The following CSMD1 variants were observed in gnomAD, a reference collection of about 807,000 sequenced individuals.
The protein encoded by CSMD1 is CUB and sushi domain-containing protein 1.
Under a neutral mutation model 417.5 loss-of-function variants are expected in CSMD1, and 213 were observed. The ratio of observed to expected loss-of-function variants is 0.51; its 90% CI spans 0.46 to 0.57. The LOEUF is 0.57. Ranked by LOEUF, CSMD1 falls within the 20% of genes least tolerant of loss-of-function variation. CSMD1 has a pLI of 0.00. For missense variants in CSMD1, 6,923 were observed against 4,529.7 expected (o/e 1.53, Z -15.17); for synonymous variants, 2,862 against 1,736.8 (o/e 1.65, Z -16.11).
intron 5 of CSMD1, among the ~76,000 whole-genome samples, chr8:3,777,716 G>C (rs76092726): frequency 0.32 from 46,152 of 145,008 alleles, 7,844 homozygotes; most frequent in Admixed American, 0.36. Context: ...TTCAGATGCA[G>C]AGTCTCAGGC....
intron 5 of CSMD1, among the ~76,000 whole-genome samples, chr8:3,906,774 T>C (rs1171344013): frequency 6.6e-6 from 1 of 152,182 alleles, no homozygotes; most frequent in Non-Finnish European, 1.5e-5. Flanking sequence ...GAAAAATGAC[T>C]TTTATATTGA....
At chr8:4,388,510 C>T (rs1458480439) in intron 3 of CSMD1, among the ~76,000 whole-genome samples, 1 of 147,344 alleles carries the variant, frequency 6.8e-6, no homozygotes, top group African/African-American at 2.5e-5. Context: ...TGTGAGCATA[C>T]AAAGGGCATA....
chr8:4,022,030 G>C (rs529211893), intron 4 of CSMD1, among the ~76,000 whole-genome samples: 1 of 151,334 alleles, frequency 6.6e-6, no homozygotes, highest in Non-Finnish European at 1.5e-5. Context: ...GAAAGTCCAG[G>C]TGCCTATATT....
At chr8:4,974,311 A>C (rs1021169202) in intron 1 of CSMD1, among the ~76,000 whole-genome samples, 10 of 152,014 alleles carry the variant, frequency 6.6e-5, no homozygotes, top group African/African-American at 2.4e-4. Flanking sequence ...CAGGCGCAAG[A>C]TTTTATTTTT....
chr8:4,502,566 C>G (rs1802312901), intron 2 of CSMD1, among the ~76,000 whole-genome samples: 1 of 152,102 alleles, frequency 6.6e-6, no homozygotes, highest in Non-Finnish European at 1.5e-5. Context: ...TTATTTCAGA[C>G]AAAAAACTTG....
At position 4,584,344 on chromosome 8, in the gene CSMD1, C is replaced by T. The variant is rs185648091; in HGVS notation, c.302+52998G>A. 6.6e-4 allele frequency among the ~76,000 whole-genome samples: 100 copies of T among 152,152 alleles called. 2 individuals carry two copies. The highest frequency in any genetic ancestry group is 2.2e-3 in the African/African-American group (91 of 41,524). ...GCCGAGTAGTGAGACAATCGCCAAT[C>T]GCCAAGCAGTGAGTAGCATCAGACC... On this transcript the variant is annotated intron_variant, in intron 2 of 69. Coordinates refer to ENST00000635120, the MANE Select transcript of CSMD1 (RefSeq NM_033225.6).
chr8:4,841,412 CT>C (rs1162231844), intron 1 of CSMD1, among the ~76,000 whole-genome samples: 1 of 152,060 alleles, frequency 6.6e-6, no homozygotes, highest in Non-Finnish European at 1.5e-5. Flanking sequence ...CCTTTTTATT[CT>C]AAAAATATAA....
intron 3 of CSMD1, among the ~76,000 whole-genome samples, chr8:4,132,627 T>A (rs1427682905): frequency 6.6e-6 from 1 of 152,162 alleles, no homozygotes; most frequent in Non-Finnish European, 1.5e-5. Context: ...TTGGCATTCA[T>A]TCTAAGCCAA....
chr8:3,910,098 G>A (rs1423105250), intron 5 of CSMD1, among the ~76,000 whole-genome samples: 1 of 152,176 alleles, frequency 6.6e-6, no homozygotes, highest in Non-Finnish European at 1.5e-5. Flanking sequence ...GGGGAAAGGA[G>A]AACGGAACAT....
At chr8:4,595,273 A>C (rs1191753451) in intron 2 of CSMD1, among the ~76,000 whole-genome samples, 1 of 148,160 alleles carries the variant, frequency 6.7e-6, no homozygotes, top group East Asian at 1.9e-4. Flanking sequence ...GGAAGGTATA[A>C]TATGATAAAT....
intron 4 of CSMD1, among the ~76,000 whole-genome samples, chr8:4,031,576 T>A (rs1797348338): frequency 6.6e-6 from 1 of 152,174 alleles, no homozygotes; most frequent in Admixed American, 6.6e-5. Flanking sequence ...AGGACAGAGC[T>A]AAATCATATC....
intron 5 of CSMD1, among the ~76,000 whole-genome samples, chr8:3,945,307 G>C (rs543377886): frequency 6.8e-4 from 103 of 151,556 alleles, no homozygotes; most frequent in African/African-American, 2.1e-3. Flanking sequence ...AGTTTAATAA[G>C]AAATTAACTT....
intron 2 of CSMD1, among the ~76,000 whole-genome samples, chr8:4,482,870 G>A (rs375172363): frequency 5.3e-5 from 8 of 152,136 alleles, no homozygotes; most frequent in African/African-American, 1.9e-4. Context: ...TTTTTTTAAG[G>A]AACTTCATAA....
intron 4 of CSMD1, among the ~76,000 whole-genome samples, chr8:4,024,077 G>C (rs1473563430): frequency 6.6e-6 from 1 of 152,112 alleles, no homozygotes; most frequent in Non-Finnish European, 1.5e-5. Flanking sequence ...ATACTAGAAA[G>C]AGTAGAAGCA....
intron 4 of CSMD1, among the ~76,000 whole-genome samples, chr8:4,026,997 A>C (rs564937422): frequency 7.3e-4 from 111 of 152,348 alleles, no homozygotes; most frequent in African/African-American, 2.6e-3. Flanking sequence ...TAGTCCCACT[A>C]TGACAGATAA....
intron 2 of CSMD1, among the ~76,000 whole-genome samples, chr8:4,431,461 G>T (rs1480552111): frequency 6.6e-6 from 1 of 152,080 alleles, no homozygotes; most frequent in East Asian, 1.9e-4. Flanking sequence ...GTCAGGAGAG[G>T]AGGGCAGAGA....
At chr8:3,615,444 T>G (rs949945589) in intron 8 of CSMD1, among the ~76,000 whole-genome samples, 2 of 152,200 alleles carry the variant, frequency 1.3e-5, no homozygotes, top group African/African-American at 4.8e-5. Flanking sequence ...CATCTCAAGC[T>G]CTGCCTCAAA....
chr8:3,637,861 G>C (rs985749316), intron 7 of CSMD1, among the ~76,000 whole-genome samples: 1 of 152,192 alleles, frequency 6.6e-6, no homozygotes, highest in African/African-American at 2.4e-5. Flanking sequence ...TAGTGAATAA[G>C]TCTCACAAGA....
intron 3 of CSMD1, among the ~76,000 whole-genome samples, chr8:4,302,923 T>C (rs1317100342): frequency 6.6e-6 from 1 of 152,098 alleles, no homozygotes; most frequent in Non-Finnish European, 1.5e-5. Context: ...AGATTTTTTT[T>C]TTCTGGAAAA....
Sources: allele counts gnomAD v4.1 joint callset (sites outside exome capture counted in the v4.1 genomes callset), GRCh38; gene constraint gnomAD v4.1.1; transcripts MANE v1.5; gene names NCBI Gene and HGNC (gene_info 2026-07-23, HGNC 2026-07-21).